SELENOI: variants seen among roughly 807,000 people sequenced by gnomAD.
SELENOI encodes selenoprotein I, also known as ethanolaminephosphotransferase 1.
In SELENOI, 24 loss-of-function variants were observed where a neutral mutation model predicts 50.7. The ratio of observed to expected loss-of-function variants is 0.47; its 90% CI spans 0.34 to 0.67. SELENOI has a LOEUF of 0.67. Ranked by LOEUF, SELENOI falls within the 30% of genes least tolerant of loss-of-function variation. The pLI is 0.01. For synonymous variants in SELENOI, 155 were observed against 170.2 expected, an observed-to-expected ratio of 0.91 and a Z score of 0.70; for missense variants, 352 against 461.4, an observed-to-expected ratio of 0.76 and a Z score of 2.17.
At chr2:26,370,931 G>GC (rs1677418358) in intron 4 of SELENOI, among the ~76,000 whole-genome samples, 1 of 87,314 alleles carries the variant, frequency 1.1e-5, no homozygotes, top group African/African-American at 4.0e-5. Flanking sequence ...GCGGGGGGCT[G>GC]ACCCCCCCAC....
At chr2:26,357,331 G>A (rs899121769) in intron 1 of SELENOI, among the ~76,000 whole-genome samples, 6 of 152,022 alleles carry the variant, frequency 3.9e-5, no homozygotes, top group South Asian at 2.1e-4. Context: ...CTTAAATGTC[G>A]CCTTCTAGAA....
At chr2:26,384,928 G>C (rs371622866) in intron 7 of SELENOI, 31 bp from the exon 8 acceptor site, 2 of 1,496,320 alleles carry the variant, frequency 1.3e-6, no homozygotes, top group African/African-American at 2.8e-5. Flanking sequence ...ATGTAATAAT[G>C]TTCTTTATAT....
In SELENOI at chr2:26,391,582, T is replaced by C. The variant is rs564800073; in HGVS notation, c.*2479T>C. The C allele has an allele frequency of 6.6e-5, 10 of 152,330 alleles. No homozygotes were observed. Among genetic ancestry groups the C allele is most frequent in the African/African-American group, 2.4e-4 (10 of 41,582 alleles). The allele number at this position is 152,330 out of a possible 1,614,324, so 9.4% of individuals were successfully genotyped here. On this transcript the variant is annotated 3_prime_UTR_variant, in exon 10 of 10. Coordinates refer to ENST00000260585, the MANE Select transcript of SELENOI (RefSeq NM_033505.4). ...AGCTGCCTTTTGGGGAGCAATGCCA[T>C]GATAAGGAGCATACGTGCATGTTTT... is the stretch of plus-strand genomic sequence containing the variant.
At position 26,349,735 on chromosome 2, in the gene SELENOI, G is replaced by A. The variant is rs561212472; in HGVS notation, c.57+3446G>A. ...TGGGAAGGCAAAGTTTTAATTGATA[G>A]TGTAGCAGCTACTTTGAAATTGTAT... is the stretch of plus-strand genomic sequence containing the variant. On this transcript the variant is annotated intron_variant, in intron 1 of 9. Transcript: ENST00000260585. 2.0e-4 allele frequency among the ~76,000 whole-genome samples: 26 copies of A among 127,674 alleles called. No homozygotes were observed. In the South Asian group the frequency reaches 6.3e-3, roughly 31 times the overall value. The allele number at this position is 127,674 out of a possible 152,430, so 83.8% of individuals were successfully genotyped here. A position where few individuals can be genotyped will look rare whatever the true frequency, so the allele number is the denominator to read the frequency against.
rs1006341664 is a variant in SELENOI, at chr2:26,346,498, G to A, written c.57+209G>A. On this transcript the variant is annotated intron_variant, in intron 1 of 9. Coordinates refer to ENST00000260585, the MANE Select transcript of SELENOI (RefSeq NM_033505.4). ...CCGCCGCCCGTAGTCGGCACCCCCC[G>A]GGAGATTTCCTTTTCCTTAGGAGAG... The A allele has an allele frequency of 7.6e-6, 4 of 528,520 alleles. No individual in the cohort carries two copies. The African/African-American group carries it at 8.1e-5, about 11-fold the overall frequency. The allele number at this position is 528,520 out of a possible 1,614,324, so 32.7% of individuals were successfully genotyped here.
intron 4 of SELENOI, among the ~76,000 whole-genome samples, chr2:26,371,755 G>T (rs1020429680): frequency 6.6e-6 from 1 of 152,218 alleles, no homozygotes; most frequent in African/African-American, 2.4e-5. Flanking sequence ...CAGGCACTCC[G>T]CAGGCTGAGG....
At chr2:26,351,055 GTTTTTTTT>G (rs35623246) in intron 1 of SELENOI, among the ~76,000 whole-genome samples, 1 of 102,898 alleles carries the variant, frequency 9.7e-6, no homozygotes, top group South Asian at 3.1e-4. Flanking sequence ...CTGTTTGTTT[GTTTTTTTT>G]TTTTTTTTTT....
Position 26,385,048 on chromosome 2 carries a change from C to T in SELENOI, c.821C>T (p.Thr274Ile), listed in dbSNP as rs1677810541. The change falls in exon 8 of 10, where the codon ACA (threonine) becomes ATA (isoleucine). Residue 274 changes from threonine to isoleucine, a missense_variant. Coordinates refer to ENST00000260585, the MANE Select transcript of SELENOI (RefSeq NM_033505.4). Reference sequence around the variant, plus strand: ...CCATGCTTGCTGTTCATTTTGTCTACAGCGTGGATCCTTTGGTCACCTTCA... The same window carrying T: ...CCATGCTTGCTGTTCATTTTGTCTATAGCGTGGATCCTTTGGTCACCTTCA... ...FSPCLLFILSTAWILWSPSDI... is the reference protein window; with the variant it reads ...FSPCLLFILSIAWILWSPSDI... 3 of 1,613,002 alleles carry T rather than the reference C, an allele frequency of 1.9e-6. No homozygotes were observed. The highest frequency in any genetic ancestry group is 1.1e-5 in the South Asian group (1 of 91,006).
intron 6 of SELENOI, among the ~76,000 whole-genome samples, chr2:26,378,703 T>C (rs1677620457): frequency 6.6e-6 from 1 of 151,662 alleles, no homozygotes; most frequent in South Asian, 2.1e-4. Flanking sequence ...CCTTCAGTAT[T>C]TTCTAGTACC....
At chr2:26,351,122 A>T (rs554632026) in intron 1 of SELENOI, among the ~76,000 whole-genome samples, 1 of 148,414 alleles carries the variant, frequency 6.7e-6, no homozygotes, top group South Asian at 2.1e-4. Flanking sequence ...GCAGAGGTAC[A>T]ATCTCGGCTC....
At chr2:26,373,996 C>A (rs1303065222) in intron 5 of SELENOI, among the ~76,000 whole-genome samples, 1 of 152,160 alleles carries the variant, frequency 6.6e-6, no homozygotes, top group Non-Finnish European at 1.5e-5. Context: ...AAGTGATCTT[C>A]CTGCCTTGGC....
intron 6 of SELENOI, among the ~76,000 whole-genome samples, chr2:26,382,459 G>A (rs974709584): frequency 3.3e-5 from 5 of 152,190 alleles, no homozygotes; most frequent in Admixed American, 3.3e-4. Flanking sequence ...TTGAACATTA[G>A]GAAAGCTTGG....
intron 1 of SELENOI, among the ~76,000 whole-genome samples, chr2:26,363,855 C>T (rs1677231406): frequency 6.6e-6 from 1 of 152,140 alleles, no homozygotes; most frequent in Admixed American, 6.5e-5. Flanking sequence ...CAACCTTTGC[C>T]TCAGCCTCCC....
intron 6 of SELENOI, among the ~76,000 whole-genome samples, chr2:26,381,937 A>G (rs1359199102): frequency 2.6e-5 from 4 of 152,234 alleles, no homozygotes; most frequent in Non-Finnish European, 5.9e-5. Flanking sequence ...TGTCTGGAAG[A>G]GACAAACTGG....
chr2:26,368,039 G>A (rs188738274), intron 4 of SELENOI, among the ~76,000 whole-genome samples: 47 of 152,208 alleles, frequency 3.1e-4, no homozygotes, highest in African/African-American at 1.1e-3. Flanking sequence ...GTAGACACTC[G>A]GTACATAGTT....
intron 1 of SELENOI, among the ~76,000 whole-genome samples, chr2:26,354,731 A>G (rs1204911828): frequency 6.6e-6 from 1 of 152,124 alleles, no homozygotes; most frequent in Non-Finnish European, 1.5e-5. Context: ...ACATTAGAAT[A>G]AAGACCTTCA....
At chr2:26,370,166 G>A (rs1279753759) in intron 4 of SELENOI, among the ~76,000 whole-genome samples, 1 of 151,568 alleles carries the variant, frequency 6.6e-6, no homozygotes. Flanking sequence ...AGAGAGCACA[G>A]GGTTGGGGGT....
At chr2:26,351,052 TTTG>T (rs1372205121) in intron 1 of SELENOI, among the ~76,000 whole-genome samples, 22 of 111,888 alleles carry the variant, frequency 2.0e-4, no homozygotes, top group Admixed American at 1.5e-3. Context: ...TCACTGTTTG[TTTG>T]TTTTTTTTTT....
In SELENOI at chr2:26,395,182, T is replaced by C. The variant is rs1678063249; in HGVS notation, c.*6079T>C. The C allele has an allele frequency of 6.6e-6, 1 of 152,228 alleles. No homozygotes were observed. Among genetic ancestry groups the C allele is most frequent in the Non-Finnish European group, 1.5e-5 (1 of 68,042 alleles). The allele number at this position is 152,228 out of a possible 1,614,324, so 9.4% of individuals were successfully genotyped here. ...CACATATATTCACTACATATGTATGTATGATATATTCATATATACATGCAG... is the reference window on the plus strand; with the variant it reads ...CACATATATTCACTACATATGTATGCATGATATATTCATATATACATGCAG... On this transcript the variant is annotated 3_prime_UTR_variant, in exon 10 of 10. Coordinates refer to ENST00000260585, the MANE Select transcript of SELENOI (RefSeq NM_033505.4).
Sources: allele counts gnomAD v4.1 joint callset (sites outside exome capture counted in the v4.1 genomes callset), GRCh38; gene constraint gnomAD v4.1.1; transcripts MANE v1.5; gene names NCBI Gene and HGNC (gene_info 2026-07-23, HGNC 2026-07-21).